Variants in RAB38 observed in about 807,000 individuals in gnomAD.
RAB38 encodes RAB38, member RAS oncogene family.
A neutral mutation model predicts 18.4 loss-of-function variants in RAB38; 15 were observed. The observed-to-expected ratio is 0.82, with a 90% CI of 0.55 to 1.26. RAB38 has a LOEUF of 1.26. RAB38 is among the 50% of genes most tolerant of loss of function. The pLI, the probability that RAB38 is intolerant of heterozygous loss-of-function variation, is 0.00. For missense variants in RAB38, 294 were observed against 267.4 expected (o/e 1.10, Z -0.69); for synonymous variants, 101 against 104.4 (o/e 0.97, Z 0.20).
At chr11:88,126,096 C>A (rs1015177696) in intron 2 of RAB38, among the ~76,000 whole-genome samples, 13 of 152,280 alleles carry the variant, frequency 8.5e-5, no homozygotes, top group African/African-American at 3.1e-4. Context: ...GGTACTCATA[C>A]CATGCTGTTT....
chr11:87,837,194 C>G, the RAB38 span, among the ~76,000 whole-genome samples: 1 of 152,186 alleles, frequency 6.6e-6, no homozygotes, highest in Non-Finnish European at 1.5e-5. Flanking sequence ...CACTCCTGAA[C>G]TCAAAACTGA....
At chr11:87,924,247 C>T in the RAB38 span, among the ~76,000 whole-genome samples, 5 of 152,048 alleles carry the variant, frequency 3.3e-5, no homozygotes, top group South Asian at 1.0e-3. Context: ...CACATACATG[C>T]CTTGGAAGTC....
chr11:87,883,500 T>C, the RAB38 span, among the ~76,000 whole-genome samples: 1 of 151,920 alleles, frequency 6.6e-6, no homozygotes, highest in South Asian at 2.1e-4. Flanking sequence ...AAAAGGATTA[T>C]AAATGGCAGC....
At chr11:87,971,799 C>A in the RAB38 span, among the ~76,000 whole-genome samples, 1 of 152,030 alleles carries the variant, frequency 6.6e-6, no homozygotes, top group African/African-American at 2.4e-5. Flanking sequence ...TCTGTCTATG[C>A]CTCACAGTCT....
At chr11:87,948,080 G>A in the RAB38 span, among the ~76,000 whole-genome samples, 84 of 152,234 alleles carry the variant, frequency 5.5e-4, no homozygotes, top group South Asian at 1.7e-3. Flanking sequence ...TTGAGCAGTG[G>A]TTTGTAGTTC....
the RAB38 span, among the ~76,000 whole-genome samples, chr11:88,090,223 T>A: frequency 6.6e-6 from 1 of 152,010 alleles, no homozygotes; most frequent in Non-Finnish European, 1.5e-5. Flanking sequence ...TCTCTTAGTT[T>A]TCTAATTTGT....
At chr11:88,087,659 T>G in the RAB38 span, among the ~76,000 whole-genome samples, 2 of 151,936 alleles carry the variant, frequency 1.3e-5, no homozygotes, top group East Asian at 3.9e-4. Context: ...TTAAGGGGTA[T>G]GTCAATGCAA....
the RAB38 span, among the ~76,000 whole-genome samples, chr11:87,930,593 G>T: frequency 2.0e-5 from 3 of 151,972 alleles, no homozygotes; most frequent in African/African-American, 4.8e-5. Context: ...GTCAATTTTG[G>T]CTTTTGTTGC....
the RAB38 span, among the ~76,000 whole-genome samples, chr11:88,083,836 G>C: frequency 6.6e-6 from 1 of 152,050 alleles, no homozygotes; most frequent in South Asian, 2.1e-4. Flanking sequence ...ACACACCGAT[G>C]CTTAGATTTT....
the RAB38 span, among the ~76,000 whole-genome samples, chr11:87,869,548 A>T: frequency 6.6e-6 from 1 of 151,516 alleles, no homozygotes; most frequent in Non-Finnish European, 1.5e-5. Context: ...TAGTTATTGG[A>T]TAAATCACAG....
chr11:88,146,212 G>C (rs1260236446), intron 2 of RAB38, among the ~76,000 whole-genome samples: 1 of 152,072 alleles, frequency 6.6e-6, no homozygotes, highest in Non-Finnish European at 1.5e-5. Context: ...TCAGCAGTGG[G>C]GTCAGTGGTA....
the RAB38 span, among the ~76,000 whole-genome samples, chr11:87,960,387 AG>A: frequency 0.13 from 19,637 of 145,706 alleles, 1,503 homozygotes; most frequent in African/African-American, 0.23. Context: ...AACAAAAAAA[AG>A]AAAAAAAGAG....
At chr11:87,846,471 G>A in the RAB38 span, among the ~76,000 whole-genome samples, 9 of 152,034 alleles carry the variant, frequency 5.9e-5, no homozygotes, top group South Asian at 1.9e-3. Flanking sequence ...CAGAAAATAA[G>A]CTTTAAGAAA....
the RAB38 span, among the ~76,000 whole-genome samples, chr11:87,846,267 T>A: frequency 7.9e-5 from 12 of 152,162 alleles, no homozygotes; most frequent in East Asian, 2.1e-3. Flanking sequence ...CATAAAACGT[T>A]ATTGGTTTCG....
the RAB38 span, among the ~76,000 whole-genome samples, chr11:87,974,191 A>G: frequency 1.3e-5 from 2 of 148,968 alleles, no homozygotes; most frequent in South Asian, 4.2e-4. Context: ...AATTTGCAGA[A>G]AATGAAACAA....
chr11:88,017,643 C>T, the RAB38 span, among the ~76,000 whole-genome samples: 2 of 148,862 alleles, frequency 1.3e-5, no homozygotes, highest in Non-Finnish European at 3.0e-5. Flanking sequence ...CTTTCAACAG[C>T]CTTGGACAAT....
the RAB38 span, among the ~76,000 whole-genome samples, chr11:87,811,295 C>T: frequency 2.0e-5 from 3 of 152,208 alleles, no homozygotes; most frequent in African/African-American, 7.2e-5. Context: ...TCAGTTAACA[C>T]TAAAATGTCA....
At chr11:88,164,865 A>G (rs1272589083) in intron 1 of RAB38, among the ~76,000 whole-genome samples, 1 of 151,988 alleles carries the variant, frequency 6.6e-6, no homozygotes, top group Non-Finnish European at 1.5e-5. Flanking sequence ...ATGCATACAG[A>G]TCCTTCTACC....
the RAB38 span, among the ~76,000 whole-genome samples, chr11:88,061,301 G>A: frequency 3.9e-5 from 6 of 152,208 alleles, no homozygotes; most frequent in Non-Finnish European, 7.3e-5. Context: ...ATGGTGAACA[G>A]TCACAGATGC....
Sources: allele counts gnomAD v4.1 joint callset (sites outside exome capture counted in the v4.1 genomes callset), GRCh38; gene constraint gnomAD v4.1.1; transcripts MANE v1.5; gene names NCBI Gene and HGNC (gene_info 2026-07-23, HGNC 2026-07-21).